PTPRD: variants seen among roughly 807,000 people sequenced by gnomAD.
PTPRD encodes the protein protein tyrosine phosphatase receptor type D.
A neutral mutation model predicts 214.5 loss-of-function variants in PTPRD; 34 were observed. The observed-to-expected ratio is 0.16, with a 90% confidence interval of 0.12 to 0.21. The LOEUF (loss-of-function observed/expected upper bound fraction) is 0.21, where lower values mean the gene tolerates loss of function less well. Among genes scored for constraint, PTPRD ranks in the 10% least tolerant of loss-of-function variants. The pLI is 1.00. For missense variants in PTPRD, 2,545 were observed against 2,398.7 expected (o/e 1.06, Z -1.27); for synonymous variants, 1,128 against 845.7 (o/e 1.33, Z -5.79).
chr9:8,434,220 G>T (rs1207557060), intron 35 of PTPRD, among the ~76,000 whole-genome samples: 1 of 152,156 alleles, frequency 6.6e-6, no homozygotes, highest in Non-Finnish European at 1.5e-5. Context: ...GAACTCAGGT[G>T]ATCCACCTGC....
chr9:9,682,519 G>T (rs2097094348), intron 7 of PTPRD, among the ~76,000 whole-genome samples: 2 of 151,636 alleles, frequency 1.3e-5, no homozygotes, highest in Admixed American at 6.6e-5. Context: ...CAATGCAAGT[G>T]ATAGGGTAGA....
intron 8 of PTPRD, among the ~76,000 whole-genome samples, chr9:9,463,656 C>T (rs1323369077): frequency 1.3e-5 from 2 of 151,796 alleles, no homozygotes; most frequent in Admixed American, 1.3e-4. Context: ...TTAAATTTTA[C>T]ATTCAGAGGG....
chr9:8,902,899 G>A (rs2154253026), intron 11 of PTPRD, among the ~76,000 whole-genome samples: 1 of 152,232 alleles, frequency 6.6e-6, no homozygotes, highest in Non-Finnish European at 1.5e-5. Flanking sequence ...TTTTCAGAAG[G>A]TTAATAGTAG....
chr9:8,522,307 G>C lies in PTPRD; in HGVS notation c.692-761C>G, dbSNP rs567570784. On this transcript the variant is annotated intron_variant, in intron 19 of 45. Transcript: ENST00000381196. ...ACAGCAATGACCGCAGAAGAAATAAGGGGGCAATAGAAATAAACGTGAAAG... is the reference window on the plus strand; with the variant it reads ...ACAGCAATGACCGCAGAAGAAATAACGGGGCAATAGAAATAAACGTGAAAG... 2.6e-5 allele frequency among the ~76,000 whole-genome samples: 4 copies of C among 152,204 alleles called. No individual in the cohort carries two copies. In the East Asian group the frequency reaches 7.7e-4, roughly 29 times the overall value.
chr9:8,524,096 A>G (rs1475218017), intron 18 of PTPRD, among the ~76,000 whole-genome samples: 2 of 151,952 alleles, frequency 1.3e-5, no homozygotes, highest in Non-Finnish European at 2.9e-5. Flanking sequence ...AAACTACAGG[A>G]ACTGGCTTTG....
At chr9:10,275,579 T>C (rs1031247273) in intron 3 of PTPRD, among the ~76,000 whole-genome samples, 1 of 152,076 alleles carries the variant, frequency 6.6e-6, no homozygotes, top group Non-Finnish European at 1.5e-5. Flanking sequence ...TTTGGGGAAA[T>C]GAAGGGAAGT....
intron 3 of PTPRD, among the ~76,000 whole-genome samples, chr9:10,094,260 T>G (rs541973131): frequency 6.6e-6 from 1 of 151,368 alleles, no homozygotes; most frequent in African/African-American, 2.4e-5. Context: ...CATAGTAAAT[T>G]CCAACCCCTA....
chr9:10,276,934 A>C (rs556705006), intron 3 of PTPRD, among the ~76,000 whole-genome samples: 1 of 152,224 alleles, frequency 6.6e-6, no homozygotes, highest in Non-Finnish European at 1.5e-5. Context: ...ATGCGAGAAC[A>C]TATCAGTGGG....
intron 3 of PTPRD, among the ~76,000 whole-genome samples, chr9:10,042,993 T>C (rs1190914160): frequency 6.6e-6 from 1 of 151,946 alleles, no homozygotes; most frequent in African/African-American, 2.4e-5. Flanking sequence ...TAACTGAGAA[T>C]ACTTGAGTTC....
chr9:10,342,218 C>G (rs2096954615), intron 2 of PTPRD, among the ~76,000 whole-genome samples: 1 of 152,012 alleles, frequency 6.6e-6, no homozygotes, highest in South Asian at 2.1e-4. Context: ...TGAGTGCGCC[C>G]TTGATACTGG....
intron 14 of PTPRD, among the ~76,000 whole-genome samples, chr9:8,615,588 G>A (rs1255237577): frequency 6.6e-6 from 1 of 152,140 alleles, no homozygotes; most frequent in African/African-American, 2.4e-5. Flanking sequence ...AGCCTCAAGG[G>A]TAAAAATGTC....
At chr9:9,304,201 T>C (rs1956369539) in intron 9 of PTPRD, among the ~76,000 whole-genome samples, 1 of 152,114 alleles carries the variant, frequency 6.6e-6, no homozygotes, top group African/African-American at 2.4e-5. Flanking sequence ...AATTAGATCA[T>C]AATTGGTGAC....
chr9:9,767,502 G>A (rs1314192976), intron 5 of PTPRD, among the ~76,000 whole-genome samples: 1 of 151,970 alleles, frequency 6.6e-6, no homozygotes, highest in Non-Finnish European at 1.5e-5. Flanking sequence ...TATTCTATCA[G>A]ATGCAGTGTC....
intron 2 of PTPRD, among the ~76,000 whole-genome samples, chr9:10,493,988 T>TATCTTAGCA (rs1419373722): frequency 1.3e-5 from 2 of 151,948 alleles, no homozygotes; most frequent in Non-Finnish European, 2.9e-5. Context: ...ACATTAATCT[T>TATCTTAGCA]TATGTTTCTT....
chr9:8,315,186 C>T lies in PTPRD; in HGVS notation c.*2688G>A, dbSNP rs569218783. 1.8e-4 allele frequency: 43 copies of T among 232,606 alleles called. No homozygotes were observed. Among genetic ancestry groups the T allele is most frequent in the Non-Finnish European group, 3.2e-4 (37 of 117,390 alleles). The allele number at this position is 232,606 out of a possible 1,614,324, so 14.4% of individuals were successfully genotyped here. ...ACAGAAAAGCACAGAGTGGAATGCA[C>T]ATCAATGACAGTAAGGGAGTTAGTT... On this transcript the variant is annotated 3_prime_UTR_variant, in exon 46 of 46. Coordinates refer to ENST00000381196, the MANE Select transcript of PTPRD (RefSeq NM_002839.4).
intron 11 of PTPRD, among the ~76,000 whole-genome samples, chr9:8,779,675 T>A (rs1265622544): frequency 1.3e-5 from 2 of 152,186 alleles, no homozygotes; most frequent in East Asian, 3.9e-4. Context: ...GCTTTCCTTT[T>A]AATCAGCACG....
chr9:10,139,602 G>A (rs545377592), intron 3 of PTPRD, among the ~76,000 whole-genome samples: 122 of 151,902 alleles, frequency 8.0e-4, no homozygotes, highest in Middle Eastern at 3.4e-3. Context: ...ACAAACAAAC[G>A]AAATGAGCTG....
chr9:9,899,555 G>C (rs889027656), intron 5 of PTPRD, among the ~76,000 whole-genome samples: 4 of 152,000 alleles, frequency 2.6e-5, no homozygotes, highest in Non-Finnish European at 5.9e-5. Flanking sequence ...AAGATAACCA[G>C]TGTTGGTATG....
At chr9:8,853,154 G>A (rs532251753) in intron 11 of PTPRD, among the ~76,000 whole-genome samples, 4 of 152,232 alleles carry the variant, frequency 2.6e-5, no homozygotes, top group South Asian at 2.1e-4. Flanking sequence ...ACTATGTTTC[G>A]TAAGAATTCT....
Sources: gnomAD v4.1 joint callset for allele counts (sites outside exome capture counted in the v4.1 genomes callset) on GRCh38, gnomAD v4.1.1 for gene constraint, MANE v1.5 for transcripts, NCBI Gene and HGNC (gene_info 2026-07-23, HGNC 2026-07-21) for gene names.